PTPRM: variants seen among roughly 807,000 people sequenced by gnomAD.
PTPRM encodes receptor-type tyrosine-protein phosphatase mu.
A neutral mutation model predicts 186.7 loss-of-function variants in PTPRM; 47 were observed. That is an observed-to-expected ratio of 0.25 (90% CI 0.20 to 0.32). PTPRM has a LOEUF of 0.32. Ranked by LOEUF, PTPRM falls within the 10% of genes least tolerant of loss-of-function variation. The pLI is 1.00. For synonymous variants in PTPRM, 668 were observed against 674.9 expected (o/e 0.99, Z 0.16); for missense variants, 1,494 against 1,865.0 (o/e 0.80, Z 3.66).
chr18:8,370,300 T>C (rs2095656414), intron 23 of PTPRM, among the ~76,000 whole-genome samples: 1 of 152,208 alleles, frequency 6.6e-6, no homozygotes, highest in African/African-American at 2.4e-5. Flanking sequence ...TGCAAAATTC[T>C]TCCACCTGAG....
chr18:8,095,476 G>A (rs2090971403), intron 11 of PTPRM, among the ~76,000 whole-genome samples: 1 of 152,106 alleles, frequency 6.6e-6, no homozygotes, highest in Admixed American at 6.6e-5. Context: ...TGGGATGGGA[G>A]AAGAAGCAAG....
chr18:7,766,009 A>G (rs984366065), intron 1 of PTPRM, among the ~76,000 whole-genome samples: 3 of 152,254 alleles, frequency 2.0e-5, no homozygotes, highest in Admixed American at 6.5e-5. Context: ...TGAAATTAAC[A>G]TTTGATTGTC....
intron 22 of PTPRM, among the ~76,000 whole-genome samples, chr18:8,327,262 G>A (rs569493769): frequency 3.3e-5 from 5 of 152,280 alleles, no homozygotes; most frequent in African/African-American, 1.2e-4. Context: ...CTTTGAGGAT[G>A]CCAGGTCACA....
At chr18:8,057,421 ACTTCTTT>A (rs1210787001) in intron 7 of PTPRM, among the ~76,000 whole-genome samples, 1 of 100,338 alleles carries the variant, frequency 1.0e-5, no homozygotes, top group African/African-American at 4.4e-5. Flanking sequence ...ATACTGTGAT[ACTTCTTT>A]TTTTTTTTTT....
At chr18:7,630,607 G>T (rs1167244358) in intron 1 of PTPRM, among the ~76,000 whole-genome samples, 1 of 152,130 alleles carries the variant, frequency 6.6e-6, no homozygotes, top group Non-Finnish European at 1.5e-5. Flanking sequence ...TATTTTGCTG[G>T]TTTATTTTAG....
chr18:8,126,246 T>C (rs1385690743), intron 13 of PTPRM, among the ~76,000 whole-genome samples: 2 of 151,292 alleles, frequency 1.3e-5, no homozygotes, highest in Admixed American at 6.6e-5. Flanking sequence ...TCATTTATTA[T>C]TGTGAGTAAA....
intron 13 of PTPRM, among the ~76,000 whole-genome samples, chr18:8,131,551 G>T (rs1568393586): frequency 6.6e-6 from 1 of 152,182 alleles, no homozygotes; most frequent in Non-Finnish European, 1.5e-5. Flanking sequence ...TTGGCCATTT[G>T]AGGTTCCTTT....
At chr18:8,055,925 C>G (rs1367034504) in intron 7 of PTPRM, among the ~76,000 whole-genome samples, 1 of 152,140 alleles carries the variant, frequency 6.6e-6, no homozygotes, top group Non-Finnish European at 1.5e-5. Flanking sequence ...ATATAGACAA[C>G]TAGAGTTCCA....
At position 8,406,258 on chromosome 18, in the gene PTPRM, T is replaced by G; in HGVS notation, c.*96T>G. 1 of 1,195,696 alleles carries G rather than the reference T, an allele frequency of 8.4e-7. No homozygotes were observed. Among genetic ancestry groups the G allele is most frequent in the South Asian group, 1.4e-5 (1 of 70,128 alleles). 74.1% of individuals were successfully genotyped at this position (1,195,696 alleles called of 1,614,324 possible). A position where few individuals can be genotyped will look rare whatever the true frequency, so the allele number is the denominator to read the frequency against. On this transcript the variant is annotated 3_prime_UTR_variant, in exon 33 of 33. Coordinates refer to ENST00000580170, the MANE Select transcript of PTPRM (RefSeq NM_001105244.2). ...AAGAGATGAAGACTTCTCAATATGCTTATTTTGCTTTGCATAATTGGCTCT... is the reference window on the plus strand; with the variant it reads ...AAGAGATGAAGACTTCTCAATATGCGTATTTTGCTTTGCATAATTGGCTCT...
At chr18:7,735,304 C>T (rs1385143789) in intron 1 of PTPRM, among the ~76,000 whole-genome samples, 8 of 152,136 alleles carry the variant, frequency 5.3e-5, no homozygotes. Context: ...CCTGTAATCC[C>T]AGCTACTCGG....
intron 1 of PTPRM, among the ~76,000 whole-genome samples, chr18:7,723,812 C>G (rs753891028): frequency 4.1e-4 from 62 of 152,274 alleles, no homozygotes; most frequent in Non-Finnish European, 7.4e-4. Flanking sequence ...TTTTTGTCTG[C>G]CTTTTCCTCC....
chr18:7,930,892 C>A (rs1309106246), intron 5 of PTPRM, among the ~76,000 whole-genome samples: 2 of 151,828 alleles, frequency 1.3e-5, no homozygotes, highest in Non-Finnish European at 2.9e-5. Flanking sequence ...ACAGATGTGT[C>A]CCATCTGTTT....
chr18:7,583,514 A>G (rs2036899422), intron 1 of PTPRM, among the ~76,000 whole-genome samples: 2 of 152,206 alleles, frequency 1.3e-5, no homozygotes, highest in South Asian at 2.1e-4. Flanking sequence ...AGAATTTGGT[A>G]CAGTTTCTCA....
chr18:8,129,595 G>A (rs980784790), intron 13 of PTPRM, among the ~76,000 whole-genome samples: 3 of 152,198 alleles, frequency 2.0e-5, no homozygotes, highest in African/African-American at 4.8e-5. Flanking sequence ...TAACGTTGTG[G>A]TTGACTTTGG....
chr18:7,652,691 G>A lies in PTPRM; in HGVS notation c.73+84800G>A, dbSNP rs549441972. Among the ~76,000 whole-genome samples the A allele has an allele frequency of 6.4e-4, 94 of 145,902 alleles. 1 individual carries two copies. The highest frequency in any genetic ancestry group is 1.2e-3 in the Non-Finnish European group (78 of 67,186). On this transcript the variant is annotated intron_variant, in intron 1 of 32. Transcript: ENST00000580170. ...CACCGCATATTCTCACTCATAGGTG[G>A]GAATTGAACAGTGAGAACATATGGA...
At chr18:8,128,168 C>CTCT (rs2092418583) in intron 13 of PTPRM, among the ~76,000 whole-genome samples, 1 of 152,176 alleles carries the variant, frequency 6.6e-6, no homozygotes, top group African/African-American at 2.4e-5. Context: ...GATGGCTAAA[C>CTCT]TCTTCATTTA....
intron 7 of PTPRM, among the ~76,000 whole-genome samples, chr18:7,981,574 C>A (rs2082552566): frequency 6.6e-6 from 1 of 152,152 alleles, no homozygotes; most frequent in Admixed American, 6.5e-5. Context: ...ATACTTGCCC[C>A]GGAGGAATGA....
At chr18:7,783,876 GAA>G (rs1598694158) in intron 2 of PTPRM, among the ~76,000 whole-genome samples, 1 of 152,012 alleles carries the variant, frequency 6.6e-6, no homozygotes, top group East Asian at 1.9e-4. Flanking sequence ...CAAAGCACTG[GAA>G]TTACAGGTGG....
intron 5 of PTPRM, among the ~76,000 whole-genome samples, chr18:7,940,327 T>C (rs1021168640): frequency 4.6e-5 from 7 of 152,110 alleles, no homozygotes; most frequent in African/African-American, 1.7e-4. Context: ...GTAGGGGAGA[T>C]AGAGAGCAAC....
Sources: allele counts gnomAD v4.1 joint callset (sites outside exome capture counted in the v4.1 genomes callset), GRCh38; gene constraint gnomAD v4.1.1; transcripts MANE v1.5; gene names NCBI Gene and HGNC (gene_info 2026-07-23, HGNC 2026-07-21).